Variants in NELL2 observed in about 807,000 individuals in gnomAD.
NELL2 encodes protein kinase C-binding protein NELL2.
Under a neutral mutation model 109.6 loss-of-function variants are expected in NELL2, and 41 were observed. The ratio of observed to expected loss-of-function variants is 0.37; its 90% CI spans 0.29 to 0.49. The LOEUF (loss-of-function observed/expected upper bound fraction) is 0.49. Among genes scored for constraint, NELL2 ranks in the 20% least tolerant of loss-of-function variants. The pLI is 0.98. For missense variants in NELL2, 900 were observed against 1,008.3 expected (o/e 0.89, Z 1.45); for synonymous variants, 355 against 344.7 (o/e 1.03, Z -0.33).
At chr12:44,907,255 C>T (rs939141828) in intron 1 of NELL2, among the ~76,000 whole-genome samples, 3 of 151,972 alleles carry the variant, frequency 2.0e-5, no homozygotes, top group African/African-American at 7.2e-5. Flanking sequence ...TGGATTAATA[C>T]GAGCTATAAG....
intron 15 of NELL2, among the ~76,000 whole-genome samples, chr12:44,549,745 A>T (rs1942953430): frequency 6.6e-6 from 1 of 152,206 alleles, no homozygotes; most frequent in African/African-American, 2.4e-5. Flanking sequence ...TAATTAAAGT[A>T]GATATAAATA....
At chr12:44,758,963 C>A (rs541908715) in intron 9 of NELL2, among the ~76,000 whole-genome samples, 2 of 152,248 alleles carry the variant, frequency 1.3e-5, no homozygotes, top group African/African-American at 4.8e-5. Flanking sequence ...ACATAGATGG[C>A]CTCAGACATG....
At chr12:44,906,955 G>C (rs938339206) in intron 1 of NELL2, among the ~76,000 whole-genome samples, 2 of 151,934 alleles carry the variant, frequency 1.3e-5, no homozygotes, top group African/African-American at 4.8e-5. Context: ...CATAATCCCC[G>C]TGTGTCCTGG....
chr12:44,770,613 T>G (rs1434334290), intron 9 of NELL2, among the ~76,000 whole-genome samples: 1 of 152,214 alleles, frequency 6.6e-6, no homozygotes, highest in Non-Finnish European at 1.5e-5. Flanking sequence ...ATACTGAAAC[T>G]CTGACCTTGC....
chr12:44,918,186 G>A (rs1269340689), upstream of NELL2, among the ~76,000 whole-genome samples: 3 of 152,184 alleles, frequency 2.0e-5, no homozygotes, highest in Non-Finnish European at 2.9e-5. Flanking sequence ...GGTGGTGGTA[G>A]TGGTGGAAAT....
At chr12:44,668,690 G>A (rs1283004556) in intron 12 of NELL2, among the ~76,000 whole-genome samples, 5 of 152,062 alleles carry the variant, frequency 3.3e-5, no homozygotes, top group Non-Finnish European at 5.9e-5. Flanking sequence ...GGGACATTAA[G>A]GACAGGCCTA....
chr12:44,852,521 T>C (rs1207291669), intron 2 of NELL2, among the ~76,000 whole-genome samples: 1 of 152,232 alleles, frequency 6.6e-6, no homozygotes, highest in Non-Finnish European at 1.5e-5. Context: ...GCTAAGATAG[T>C]GTTCATTTAA....
chr12:44,615,996 C>T (rs984077890), intron 13 of NELL2, among the ~76,000 whole-genome samples: 3 of 152,136 alleles, frequency 2.0e-5, no homozygotes, highest in African/African-American at 4.8e-5. Context: ...TCTCTTGAAG[C>T]GCAACATTAA....
intron 15 of NELL2, among the ~76,000 whole-genome samples, chr12:44,586,100 T>C (rs1944485459): frequency 6.6e-6 from 1 of 151,606 alleles, no homozygotes; most frequent in Admixed American, 6.6e-5. Flanking sequence ...TTTAGTTCTA[T>C]CTCATTCTTG....
At chr12:44,695,213 A>C (rs1392192662) in intron 12 of NELL2, among the ~76,000 whole-genome samples, 1 of 147,906 alleles carries the variant, frequency 6.8e-6, no homozygotes, top group Non-Finnish European at 1.5e-5. Flanking sequence ...GGAGCAAAGG[A>C]GGTTGGTTAC....
At chr12:44,866,549 C>T (rs1359645376) in intron 2 of NELL2, among the ~76,000 whole-genome samples, 1 of 151,534 alleles carries the variant, frequency 6.6e-6, no homozygotes, top group East Asian at 1.9e-4. Context: ...AACAAATAAC[C>T]TAAAGTTACA....
intron 15 of NELL2, among the ~76,000 whole-genome samples, chr12:44,576,615 T>G (rs1231962531): frequency 2.0e-5 from 3 of 152,060 alleles, no homozygotes; most frequent in Non-Finnish European, 2.9e-5. Context: ...TAGTTACATA[T>G]GTATACATGT....
chr12:44,820,306 A>T lies in NELL2; in HGVS notation c.185-4170T>A, dbSNP rs906451593. ...AAACAGGAGGGGTAGGATTCAGGAT[A>T]TACGTAAAAAGTAGAATCTAGGCCG... On this transcript the variant is annotated intron_variant, in intron 2 of 19. Coordinates refer to ENST00000429094, the MANE Select transcript of NELL2 (RefSeq NM_001145108.2). Among the ~76,000 whole-genome samples the T allele has an allele frequency of 5.3e-5, 8 of 152,312 alleles. No individual in the cohort carries two copies. The South Asian group carries it at 1.5e-3, about 28-fold the overall frequency.
At chr12:44,796,110 A>C (rs991570904) in intron 3 of NELL2, among the ~76,000 whole-genome samples, 3 of 152,180 alleles carry the variant, frequency 2.0e-5, no homozygotes, top group Middle Eastern at 3.4e-3. Flanking sequence ...AAGAGTTGTA[A>C]ATTTCTGATT....
chr12:44,897,515 G>C (rs1210665522), intron 1 of NELL2, among the ~76,000 whole-genome samples: 1 of 152,182 alleles, frequency 6.6e-6, no homozygotes, highest in Non-Finnish European at 1.5e-5. Flanking sequence ...AAGCGCAAGG[G>C]GTTGGGGAAC....
intron 2 of NELL2, among the ~76,000 whole-genome samples, chr12:44,864,406 T>G (rs967796306): frequency 6.6e-6 from 1 of 151,688 alleles, no homozygotes; most frequent in African/African-American, 2.4e-5. Flanking sequence ...GAAAACAAAA[T>G]AGAACAGGAT....
intron 3 of NELL2, among the ~76,000 whole-genome samples, chr12:44,783,786 G>T (rs529681312): frequency 5.9e-5 from 9 of 151,846 alleles, no homozygotes; most frequent in African/African-American, 1.5e-4. Context: ...ATCGCTTCCA[G>T]AAAGTAACAG....
At position 44,656,475 on chromosome 12, in the gene NELL2, GA is replaced by G. The variant is rs1947504257; in HGVS notation, c.1444+9008del. 3.3e-5 allele frequency among the ~76,000 whole-genome samples: 5 copies of G among 152,288 alleles called. No individual in the cohort carries two copies. The South Asian group carries it at 1.0e-3, about 32-fold the overall frequency. On this transcript the variant is annotated intron_variant, in intron 13 of 19. Coordinates refer to ENST00000429094, the MANE Select transcript of NELL2 (RefSeq NM_001145108.2). ...TGCCCAGTTGAAAGGGTCCCAGTGA[GA>G]AATAAGACATTTCCTCAACATAAGA...
At chr12:44,636,187 A>C (rs1566061181) in intron 13 of NELL2, among the ~76,000 whole-genome samples, 1 of 152,136 alleles carries the variant, frequency 6.6e-6, no homozygotes, top group Non-Finnish European at 1.5e-5. Flanking sequence ...ATTTTTGCTG[A>C]GATGATGGGG....
Sources: allele counts gnomAD v4.1 joint callset (sites outside exome capture counted in the v4.1 genomes callset), GRCh38; gene constraint gnomAD v4.1.1; transcripts MANE v1.5; gene names NCBI Gene and HGNC (gene_info 2026-07-23, HGNC 2026-07-21).